MSR1: variants seen among roughly 807,000 people sequenced by gnomAD.
MSR1 encodes the protein macrophage scavenger receptor types I and II.
In MSR1, 53 loss-of-function variants were observed where a neutral mutation model predicts 47.2. The ratio of observed to expected loss-of-function variants is 1.12; its 90% CI spans 0.90 to 1.41. The LOEUF is 1.41. Ranked by LOEUF, MSR1 falls within the 40% of genes most tolerant of loss-of-function variation. MSR1 has a pLI of 0.00. For synonymous variants in MSR1, 239 were observed against 185.6 expected, an observed-to-expected ratio of 1.29 and a Z score of -2.34; for missense variants, 786 against 546.9, an observed-to-expected ratio of 1.44 and a Z score of -4.36.
At position 16,109,993 on chromosome 8, in the gene MSR1, C is replaced by T; in HGVS notation, c.*92G>A. ...ATTATTTGGGCAATATTCTTAATCT[C>T]TTAAATATTGATTAAATGGATTTTA... On this transcript the variant is annotated 3_prime_UTR_variant, in exon 10 of 10. Transcript: ENST00000262101. The T allele has an allele frequency of 2.0e-6, 3 of 1,482,094 alleles. No individual in the cohort carries two copies. Among genetic ancestry groups the T allele is most frequent in the Non-Finnish European group, 9.4e-7 (1 of 1,069,382 alleles). 91.8% of individuals were successfully genotyped at this position (1,482,094 alleles called of 1,614,324 possible).
chr8:16,156,497 CA>C (rs1801014599), intron 5 of MSR1, among the ~76,000 whole-genome samples: 1 of 151,748 alleles, frequency 6.6e-6, no homozygotes, highest in Non-Finnish European at 1.5e-5. Flanking sequence ...TTTAGAGGCC[CA>C]AGATATCATT....
At position 16,177,872 on chromosome 8, in the gene MSR1, C is replaced by A. The variant is rs371447054; in HGVS notation, c.103+14G>T. 3.1e-4 allele frequency: 506 copies of A among 1,607,604 alleles called. 1 individual carries two copies. The highest frequency in any genetic ancestry group is 4.1e-4 in the Non-Finnish European group (481 of 1,174,234). Reference sequence around the variant, plus strand: ...AGAACAACCTCCATGGGCAGCCCATCCCCCTCTACTTACTCGGAGGAAGCA... The same window carrying A: ...AGAACAACCTCCATGGGCAGCCCATACCCCTCTACTTACTCGGAGGAAGCA... On this transcript the variant is annotated intron_variant, in intron 2 of 9. Coordinates refer to ENST00000262101, the MANE Select transcript of MSR1 (RefSeq NM_138715.3).
intron 5 of MSR1, among the ~76,000 whole-genome samples, chr8:16,156,991 G>A (rs1394961455): frequency 2.0e-5 from 3 of 152,026 alleles, no homozygotes; most frequent in East Asian, 3.9e-4. Context: ...GGGGAGGGGG[G>A]CAAGCAGGAC....
intron 1 of MSR1, among the ~76,000 whole-genome samples, chr8:16,189,345 T>C: frequency 7.9e-6 from 1 of 127,088 alleles, no homozygotes; most frequent in East Asian, 2.4e-4. Flanking sequence ...ATATATAAAA[T>C]CTTATTTTAT....
chr8:16,175,499 G>C (rs930729442), intron 2 of MSR1, among the ~76,000 whole-genome samples, 199 bp from the exon 3 acceptor site: 6 of 152,166 alleles, frequency 3.9e-5, no homozygotes, highest in African/African-American at 1.4e-4. Flanking sequence ...ATAGGCACTT[G>C]ACTGACTTAT....
chr8:16,150,203 A>G lies in MSR1; in HGVS notation c.979+28T>C, dbSNP rs181293050. On this transcript the variant is annotated intron_variant, in intron 7 of 9. Transcript: ENST00000262101. ...ATCTGGTGTTTCTTCTACATATTCT[A>G]TAAAGAAAATACACATTATTGTAAT... 1,698 of 1,100,272 alleles carry G rather than the reference A, an allele frequency of 1.5e-3. 22 individuals are homozygous for G. The African/African-American group carries it at 0.025, about 16-fold the overall frequency. The allele number at this position is 1,100,272 out of a possible 1,614,324, so 68.2% of individuals were successfully genotyped here.
intron 1 of MSR1, among the ~76,000 whole-genome samples, chr8:16,183,507 T>C (rs988993989): frequency 2.0e-5 from 3 of 146,946 alleles, no homozygotes; most frequent in African/African-American, 5.0e-5. Context: ...TAAATATTCA[T>C]TATATAATTA....
rs777072191 is a variant in MSR1 at position 16,110,157 on chromosome 8, T to G, written c.1284A>C (p.Glu428Asp). 1 of 1,613,734 alleles carries G rather than the reference T, an allele frequency of 6.2e-7. No homozygotes were observed. Among genetic ancestry groups the G allele is most frequent in the Non-Finnish European group, 8.5e-7 (1 of 1,179,726 alleles). The change falls in exon 10 of 10, where the codon GAA becomes GAC. Residue 428 changes from glutamate to aspartate, a missense_variant. Glu to Asp is a conservative substitution (Grantham distance 45). Coordinates refer to ENST00000262101, the MANE Select transcript of MSR1 (RefSeq NM_138715.3). ...FCFGRESSIE[E>D]CKIRQWGTRA... ...TTGTCCCCCATTGCCGAATTTTACA[T>G]TCTTCAATAGATGATTCTCTCCCAA...
At chr8:16,184,193 A>G (rs1801926091) in intron 1 of MSR1, among the ~76,000 whole-genome samples, 1 of 152,010 alleles carries the variant, frequency 6.6e-6, no homozygotes, top group Non-Finnish European at 1.5e-5. Context: ...AAAGATTTAA[A>G]AAGCCAAGTG....
intron 5 of MSR1, among the ~76,000 whole-genome samples, chr8:16,159,622 G>A (rs1801107390): frequency 1.3e-5 from 2 of 151,938 alleles, no homozygotes; most frequent in African/African-American, 4.8e-5. Context: ...TTAATTAATA[G>A]ATATTTTATG....
chr8:16,132,901 TG>T (rs1800297325), intron 8 of MSR1, among the ~76,000 whole-genome samples: 1 of 152,170 alleles, frequency 6.6e-6, no homozygotes, highest in South Asian at 2.1e-4. Context: ...GATGTCGCTG[TG>T]GGTTTTTCAA....
chr8:16,177,467 A>G (rs962521686), intron 2 of MSR1, among the ~76,000 whole-genome samples: 7 of 152,040 alleles, frequency 4.6e-5, no homozygotes, highest in African/African-American at 1.7e-4. Context: ...GAAAGGGCAC[A>G]TGGTCTTTCT....
chr8:16,125,427 A>G (rs1412349612), intron 8 of MSR1, among the ~76,000 whole-genome samples: 1 of 152,090 alleles, frequency 6.6e-6, no homozygotes. Flanking sequence ...TTTTCTTTAT[A>G]TATGTTAATA....
At chr8:16,178,699 G>A (rs916091556) in intron 1 of MSR1, among the ~76,000 whole-genome samples, 1 of 152,128 alleles carries the variant, frequency 6.6e-6, no homozygotes, top group African/African-American at 2.4e-5. Context: ...CACAAGGGTT[G>A]AACTAGTTTA....
At chr8:16,168,405 G>A in intron 4 of MSR1, 53 bp downstream of exon 4, 3 of 1,597,592 alleles carry the variant, frequency 1.9e-6, no homozygotes, top group Non-Finnish European at 2.6e-6. Flanking sequence ...AAGGAGACGA[G>A]ACTTGGATGG....
chr8:16,110,259 T>G, intron 9 of MSR1, 41 bp from the exon 10 acceptor site: 1 of 1,609,230 alleles, frequency 6.2e-7, no homozygotes, highest in East Asian at 2.2e-5. Flanking sequence ...AGTTTAGAGT[T>G]TAGTGTTTCT....
intron 8 of MSR1, 129 bp from the exon 9 acceptor site, chr8:16,120,735 T>C: frequency 1.8e-6 from 2 of 1,129,428 alleles, no homozygotes; most frequent in Non-Finnish European, 2.5e-6. Context: ...TAACTTCAAC[T>C]ATTGGAATAA....
chr8:16,111,074 GT>G (rs1442078536), intron 9 of MSR1, among the ~76,000 whole-genome samples: 7 of 152,194 alleles, frequency 4.6e-5, no homozygotes, highest in African/African-American at 1.4e-4. Flanking sequence ...GGCATGGCAT[GT>G]TTCCTATTGT....
chr8:16,168,690 G>T lies in MSR1; in HGVS notation c.398C>A (p.Ala133Asp), dbSNP rs761800648. 25 of 1,614,024 alleles carry T rather than the reference G, an allele frequency of 1.5e-5. No individual in the cohort carries two copies. Among genetic ancestry groups the T allele is most frequent in the Middle Eastern group, 3.3e-4 (2 of 6,084 alleles). ...GAAATGCTCTGTGTCCATGAGGTTGGCTTCCATGTCTAAAATATGCTGGAT... is the reference window on the plus strand; with the variant it reads ...GAAATGCTCTGTGTCCATGAGGTTGTCTTCCATGTCTAAAATATGCTGGAT... ...KRIQHILDME[A>D]NLMDTEHFQN... is the part of the protein sequence containing the mutation. Residue 133 changes from alanine to aspartate, a missense_variant, in exon 4 of 10, where the codon GCC becomes GAC. Coordinates refer to ENST00000262101, the MANE Select transcript of MSR1 (RefSeq NM_138715.3).
Sources: gnomAD v4.1 joint callset for allele counts (sites outside exome capture counted in the v4.1 genomes callset) on GRCh38, gnomAD v4.1.1 for gene constraint, MANE v1.5 for transcripts, NCBI Gene and HGNC (gene_info 2026-07-23, HGNC 2026-07-21) for gene names.